RAPGEF4: variants seen among roughly 807,000 people sequenced by gnomAD.
RAPGEF4 encodes the protein RAP guanine-nucleotide-exchange factor (GEF) 4.
Under a neutral mutation model 147.9 loss-of-function variants are expected in RAPGEF4, and 66 were observed. That is an observed-to-expected ratio of 0.45 (90% CI 0.37 to 0.55). The LOEUF is 0.55. Among genes scored for constraint, RAPGEF4 ranks in the 20% least tolerant of loss-of-function variants. The probability of loss-of-function intolerance (pLI) is 0.00; values close to 1 mark genes in which losing one functional copy is unlikely to be tolerated. For synonymous variants in RAPGEF4, 419 were observed against 442.7 expected (o/e 0.95, Z 0.67); for missense variants, 1,071 against 1,257.3 (o/e 0.85, Z 2.24).
At position 172,872,134 on chromosome 2, in the gene RAPGEF4, C is replaced by T. The variant is rs369990965; in HGVS notation, c.445-45668C>T. 2.6e-5 allele frequency among the ~76,000 whole-genome samples: 4 copies of T among 152,262 alleles called. No individual in the cohort carries two copies. In the East Asian group the frequency reaches 7.7e-4, roughly 29 times the overall value. ...TCAGTTTCCAAATTTGCTTTATTCTCTGGAGCTGTTTTTCTTTAAGGTATA... is the reference window on the plus strand; with the variant it reads ...TCAGTTTCCAAATTTGCTTTATTCTTTGGAGCTGTTTTTCTTTAAGGTATA... On this transcript the variant is annotated intron_variant, in intron 4 of 30. Coordinates refer to ENST00000397081, the MANE Select transcript of RAPGEF4 (RefSeq NM_007023.4).
At chr2:172,761,246 C>T (rs1471487484) in intron 1 of RAPGEF4, among the ~76,000 whole-genome samples, 1 of 151,948 alleles carries the variant, frequency 6.6e-6, no homozygotes, top group African/African-American at 2.4e-5. Flanking sequence ...CTGGCTCAGC[C>T]TCCTGAGTAG....
At chr2:172,753,178 G>A (rs991914620) in intron 1 of RAPGEF4, among the ~76,000 whole-genome samples, 1 of 151,930 alleles carries the variant, frequency 6.6e-6, no homozygotes, top group Admixed American at 6.6e-5. Context: ...ATTGTTTTGA[G>A]TTATATGAAA....
intron 10 of RAPGEF4, among the ~76,000 whole-genome samples, chr2:172,982,774 T>C (rs1691821183): frequency 6.6e-6 from 1 of 152,336 alleles, no homozygotes; most frequent in South Asian, 2.1e-4. Flanking sequence ...ACTAGTTTTA[T>C]AATAAATTTT....
chr2:172,849,290 A>G (rs1692559183), intron 4 of RAPGEF4, among the ~76,000 whole-genome samples: 1 of 152,234 alleles, frequency 6.6e-6, no homozygotes, highest in Admixed American at 6.5e-5. Context: ...ATTAGTTTAA[A>G]TATCTCCAGC....
At chr2:172,924,943 G>GTTTTGT (rs1685126146) in intron 6 of RAPGEF4, among the ~76,000 whole-genome samples, 2 of 151,986 alleles carry the variant, frequency 1.3e-5, no homozygotes, top group African/African-American at 2.4e-5. Flanking sequence ...ATGTTTAACT[G>GTTTTGT]TTTTGTTTTT....
chr2:172,767,287 T>C (rs1696938109), intron 1 of RAPGEF4, among the ~76,000 whole-genome samples: 1 of 151,926 alleles, frequency 6.6e-6, no homozygotes, highest in African/African-American at 2.4e-5. Context: ...CAGGCGATTC[T>C]CCTGCCTCAG....
chr2:172,876,193 A>G (rs1332871392), intron 4 of RAPGEF4, among the ~76,000 whole-genome samples: 1 of 152,194 alleles, frequency 6.6e-6, no homozygotes, highest in Non-Finnish European at 1.5e-5. Flanking sequence ...GTCATCTGCA[A>G]ACAGGGACAA....
intron 27 of RAPGEF4, 139 bp downstream of exon 27, chr2:173,034,103 C>A: frequency 1.4e-6 from 1 of 725,146 alleles, no homozygotes; most frequent in Non-Finnish European, 2.2e-6. Flanking sequence ...TTTAGTGCTG[C>A]TAAAACAAGC....
intron 6 of RAPGEF4, among the ~76,000 whole-genome samples, chr2:172,939,541 A>G (rs1686938290): frequency 6.6e-6 from 1 of 152,118 alleles, no homozygotes; most frequent in African/African-American, 2.4e-5. Flanking sequence ...CAAGTCCTTT[A>G]TCAGATATGA....
In RAPGEF4 at chr2:172,973,249, A is replaced by C. The variant is rs567344527; in HGVS notation, c.1004+5805A>C. Among the ~76,000 whole-genome samples the C allele has an allele frequency of 2.0e-5, 3 of 152,052 alleles. No homozygotes were observed. In the South Asian group the frequency reaches 6.2e-4, roughly 32 times the overall value. ...CACCTCAGCCTCCCGAGTAGCTGGA[A>C]CTACAGGCGCATGCCACCATGCTCA... On this transcript the variant is annotated intron_variant, in intron 10 of 30. Transcript: ENST00000397081.
chr2:172,909,713 G>A (rs1559113286), intron 4 of RAPGEF4, among the ~76,000 whole-genome samples: 1 of 152,196 alleles, frequency 6.6e-6, no homozygotes, highest in South Asian at 2.1e-4. Context: ...ATTGAGCACA[G>A]GCTTGGCAAT....
intron 4 of RAPGEF4, among the ~76,000 whole-genome samples, chr2:172,876,149 C>A (rs1695891772): frequency 6.6e-6 from 1 of 152,146 alleles, no homozygotes; most frequent in African/African-American, 2.4e-5. Flanking sequence ...AGATTTTGGG[C>A]TGAGACGATG....
At chr2:173,012,465 GCC>G (rs1559184054) in intron 17 of RAPGEF4, among the ~76,000 whole-genome samples, 1 of 152,196 alleles carries the variant, frequency 6.6e-6, no homozygotes, top group Non-Finnish European at 1.5e-5. Flanking sequence ...ACCTGCCAAA[GCC>G]TGATGTCATC....
chr2:173,035,114 G>A (rs921173215), intron 27 of RAPGEF4, among the ~76,000 whole-genome samples: 2 of 151,658 alleles, frequency 1.3e-5, no homozygotes, highest in African/African-American at 2.4e-5. Flanking sequence ...GAGTGCAGTG[G>A]TGCAATCATG....
chr2:173,014,857 GTTTTAT>G (rs1695364494), intron 18 of RAPGEF4, among the ~76,000 whole-genome samples: 1 of 152,068 alleles, frequency 6.6e-6, no homozygotes, highest in Non-Finnish European at 1.5e-5. Flanking sequence ...TTCTTTGTAT[GTTTTAT>G]CTTGTAGTCA....
intron 4 of RAPGEF4, chr2:172,814,741 A>G (rs1026878970): frequency 3.0e-6 from 1 of 337,348 alleles, no homozygotes; most frequent in East Asian, 6.7e-5. Context: ...TAACCAGGGA[A>G]CAAAATACTT....
intron 22 of RAPGEF4, among the ~76,000 whole-genome samples, chr2:173,020,131 A>T (rs1695928432): frequency 6.6e-6 from 1 of 152,138 alleles, no homozygotes. Flanking sequence ...AATTTTTTTA[A>T]TGTGGGAGGA....
At chr2:172,802,267 C>T (rs1301066955) in intron 3 of RAPGEF4, among the ~76,000 whole-genome samples, 1 of 152,206 alleles carries the variant, frequency 6.6e-6, no homozygotes, top group Non-Finnish European at 1.5e-5. Context: ...CTCAGAAAGA[C>T]ATACCTGAGA....
chr2:172,850,246 G>T (rs760814133), intron 4 of RAPGEF4, among the ~76,000 whole-genome samples: 1 of 151,926 alleles, frequency 6.6e-6, no homozygotes, highest in Non-Finnish European at 1.5e-5. Context: ...CATCTTATTT[G>T]ACTCAGAAAA....
Sources: allele counts gnomAD v4.1 joint callset (sites outside exome capture counted in the v4.1 genomes callset), GRCh38; gene constraint gnomAD v4.1.1; transcripts MANE v1.5; gene names NCBI Gene and HGNC (gene_info 2026-07-23, HGNC 2026-07-21).